FMNL2: variants seen among roughly 807,000 people sequenced by gnomAD.
FMNL2 encodes formin-like protein 2.
A neutral mutation model predicts 130.2 loss-of-function variants in FMNL2; 51 were observed. The observed-to-expected ratio is 0.39, with a 90% CI of 0.31 to 0.49. The LOEUF is 0.49. Ranked by LOEUF, FMNL2 falls within the 20% of genes least tolerant of loss-of-function variation. The pLI is 0.85. For missense variants in FMNL2, 977 were observed against 1,316.2 expected, an observed-to-expected ratio of 0.74 and a Z score of 3.99; for synonymous variants, 465 against 467.1, an observed-to-expected ratio of 1.00 and a Z score of 0.06.
intron 1 of FMNL2, among the ~76,000 whole-genome samples, chr2:152,507,970 GA>G (rs1286368103): frequency 2.0e-5 from 3 of 152,180 alleles, no homozygotes; most frequent in Admixed American, 2.0e-4. Flanking sequence ...AGTCATTAAA[GA>G]AAGATTAAGT....
chr2:152,529,762 G>C (rs1015396823), intron 2 of FMNL2, among the ~76,000 whole-genome samples: 5 of 152,154 alleles, frequency 3.3e-5, no homozygotes, highest in Non-Finnish European at 7.3e-5. Context: ...AGAGATTGGA[G>C]TCAGGGGAGA....
At chr2:152,529,554 G>C (rs1693577637) in intron 2 of FMNL2, among the ~76,000 whole-genome samples, 1 of 152,074 alleles carries the variant, frequency 6.6e-6, no homozygotes, top group Non-Finnish European at 1.5e-5. Context: ...ACTCACTCCA[G>C]GTCTCTGATT....
At chr2:152,536,518 A>G (rs1694003669) in intron 2 of FMNL2, among the ~76,000 whole-genome samples, 1 of 152,244 alleles carries the variant, frequency 6.6e-6, no homozygotes, top group African/African-American at 2.4e-5. Flanking sequence ...CATTATGTGA[A>G]CAAAAACAAC....
Position 152,614,762 on chromosome 2 carries a change from C to CAAAACAAAACAAAACAAAAA in FMNL2, c.1063-85_1063-84insCAAAACAAAACAAAAAAAAA, listed in dbSNP as rs1241290890. Reference sequence around the variant, plus strand: ...CATCTCAAAACAAAACAAAACAAAACAAAAAACAAAAAAGACAGACTCTTA... The same window carrying CAAAACAAAACAAAACAAAAA: ...CATCTCAAAACAAAACAAAACAAAACAAAACAAAACAAAACAAAAAAAAAAACAAAAAAGACAGACTCTTA... On this transcript the variant is annotated intron_variant, in intron 11 of 25. Coordinates refer to ENST00000288670, the MANE Select transcript of FMNL2 (RefSeq NM_052905.4). 288 of 1,419,308 alleles carry CAAAACAAAACAAAACAAAAA rather than the reference C, an allele frequency of 2.0e-4. No individual in the cohort carries two copies. The African/African-American group carries it at 4.1e-3, about 20-fold the overall frequency. The allele number at this position is 1,419,308 out of a possible 1,614,324, so 87.9% of individuals were successfully genotyped here.
intron 10 of FMNL2, 118 bp downstream of exon 10, chr2:152,607,531 A>T (rs187865680): frequency 1.6e-5 from 12 of 738,664 alleles, no homozygotes; most frequent in Non-Finnish European, 2.7e-5. Flanking sequence ...AAGGACAGGG[A>T]ATTGCAATTA....
chr2:152,637,764 C>A (rs768424408), intron 23 of FMNL2, 90 bp downstream of exon 23: 218 of 1,160,020 alleles, frequency 1.9e-4, no homozygotes, highest in Non-Finnish European at 2.7e-4. Flanking sequence ...AGAGGCCTCC[C>A]AGTTCCTGTG....
intron 15 of FMNL2, chr2:152,622,478 G>A (rs1014414368): frequency 8.8e-6 from 4 of 456,598 alleles, no homozygotes; most frequent in Non-Finnish European, 1.8e-5. Context: ...TGAGCCACTT[G>A]ACTCTAACCA....
chr2:152,441,426 A>C (rs181746442), intron 1 of FMNL2, among the ~76,000 whole-genome samples: 7 of 152,316 alleles, frequency 4.6e-5, no homozygotes, highest in African/African-American at 1.7e-4. Flanking sequence ...AGTGCTAGCT[A>C]CTTGGGAGGC....
rs1375916213 is a variant in FMNL2, at chr2:152,572,088, T to TG, written c.597-3048_597-3047insG. On this transcript the variant is annotated intron_variant, in intron 6 of 25. Transcript: ENST00000288670. ...GCTGAGTTTTTCTAATGATATTTGG[T>TG]TCTTCAGTCCTGTGTATTGTGGAGG... Among the ~76,000 whole-genome samples the TG allele has an allele frequency of 1.2e-4, 18 of 152,320 alleles. No homozygotes were observed. The East Asian group carries it at 2.9e-3, about 24-fold the overall frequency.
chr2:152,363,125 A>G (rs1410336638), intron 1 of FMNL2, among the ~76,000 whole-genome samples: 1 of 152,222 alleles, frequency 6.6e-6, no homozygotes, highest in Non-Finnish European at 1.5e-5. Context: ...ATGGTTGCAT[A>G]ACTCTGTGAA....
intron 1 of FMNL2, among the ~76,000 whole-genome samples, chr2:152,471,220 C>T (rs1689842746): frequency 6.6e-6 from 1 of 151,250 alleles, no homozygotes; most frequent in African/African-American, 2.4e-5. Flanking sequence ...GGTGCCCTTA[C>T]ATTTTGCTCT....
intron 4 of FMNL2, among the ~76,000 whole-genome samples, chr2:152,550,967 A>G (rs1318094167): frequency 6.6e-6 from 1 of 151,942 alleles, no homozygotes; most frequent in Non-Finnish European, 1.5e-5. Context: ...GTGAAACCCC[A>G]TCTCTACTAA....
rs1184627437 is a variant in FMNL2 at position 152,335,184 on chromosome 2, G to C, written c.-420G>C. ...CGCGGAGCTGCATTTGTCTGCTCCA[G>C]GTGCTAGCCAGGCAGGCGCAGCCGT... On this transcript the variant is annotated 5_prime_UTR_variant, in exon 1 of 26. Coordinates refer to ENST00000288670, the MANE Select transcript of FMNL2 (RefSeq NM_052905.4). The C allele has an allele frequency of 1.3e-5, 2 of 153,584 alleles. No homozygotes were observed. The highest frequency in any genetic ancestry group is 2.9e-5 in the Non-Finnish European group (2 of 69,054). The allele number at this position is 153,584 out of a possible 1,614,324, so 9.5% of individuals were successfully genotyped here. A position where few individuals can be genotyped will look rare whatever the true frequency, so the allele number is the denominator to read the frequency against.
At chr2:152,611,448 A>G in intron 10 of FMNL2, 47 bp from the exon 11 acceptor site, 2 of 1,100,480 alleles carry the variant, frequency 1.8e-6, no homozygotes, top group Non-Finnish European at 2.7e-6. Flanking sequence ...AGTTAAACTG[A>G]GAAAAAAGTT....
chr2:152,611,627 G>A (rs755510034), intron 11 of FMNL2, 22 bp downstream of exon 11: 3 of 1,456,912 alleles, frequency 2.1e-6, no homozygotes, highest in South Asian at 2.4e-5. Context: ...TGTGACCTTT[G>A]GCTCCAATAT....
At chr2:152,453,475 A>T (rs1015007472) in intron 1 of FMNL2, among the ~76,000 whole-genome samples, 27 of 152,134 alleles carry the variant, frequency 1.8e-4, no homozygotes, top group Non-Finnish European at 1.5e-5. Context: ...GGAGGGGACG[A>T]TCCAGTTTGT....
intron 1 of FMNL2, among the ~76,000 whole-genome samples, chr2:152,485,935 A>G (rs1690801471): frequency 6.6e-6 from 1 of 152,184 alleles, no homozygotes. Context: ...ACATGGGAGG[A>G]GCGTGCAATT....
In FMNL2 at chr2:152,475,482, A is replaced by G. The variant is rs536618334; in HGVS notation, c.118-46461A>G. Among the ~76,000 whole-genome samples the G allele has an allele frequency of 1.7e-4, 26 of 150,650 alleles. No homozygotes were observed. In the South Asian group the frequency reaches 5.4e-3, roughly 31 times the overall value. On this transcript the variant is annotated intron_variant, in intron 1 of 25. Transcript: ENST00000288670. ...TAAAAGAATAGTTTTTTTTGGTTTC[A>G]TTTTGTTTTTTGTTTTGTTTTGTTT... is the stretch of plus-strand genomic sequence containing the variant.
intron 1 of FMNL2, among the ~76,000 whole-genome samples, chr2:152,488,118 C>G (rs1318217543): frequency 6.6e-6 from 1 of 152,184 alleles, no homozygotes; most frequent in Non-Finnish European, 1.5e-5. Flanking sequence ...TTCTGTGTAT[C>G]TGCAAAAGTG....
Sources: allele counts gnomAD v4.1 joint callset (sites outside exome capture counted in the v4.1 genomes callset), GRCh38; gene constraint gnomAD v4.1.1; transcripts MANE v1.5; gene names NCBI Gene and HGNC (gene_info 2026-07-23, HGNC 2026-07-21).